POLR1A: variants seen among roughly 807,000 people sequenced by gnomAD.
POLR1A encodes DNA-directed RNA polymerase I subunit RPA1.
Under a neutral mutation model 205.3 loss-of-function variants are expected in POLR1A, and 84 were observed. The ratio of observed to expected loss-of-function variants is 0.41; its 90% CI spans 0.34 to 0.49. POLR1A has a LOEUF of 0.49. Ranked by LOEUF, POLR1A falls within the 20% of genes least tolerant of loss-of-function variation. The probability of loss-of-function intolerance (pLI) is 0.22; values close to 1 mark genes in which losing one functional copy is unlikely to be tolerated. For synonymous variants in POLR1A, 799 were observed against 863.7 expected, an observed-to-expected ratio of 0.93 and a Z score of 1.31; for missense variants, 1,645 against 2,204.5, an observed-to-expected ratio of 0.75 and a Z score of 5.08.
At chr2:86,099,625 TTCTC>T (rs952087455) in intron 2 of POLR1A, among the ~76,000 whole-genome samples, 9 of 151,824 alleles carry the variant, frequency 5.9e-5, no homozygotes, top group Non-Finnish European at 1.0e-4. Context: ...AACACTGAAG[TTCTC>T]TCTATTACCA....
At chr2:86,033,630 C>T (rs745587446) in intron 28 of POLR1A, 31 bp downstream of exon 28, 28 of 1,607,764 alleles carry the variant, frequency 1.7e-5, no homozygotes, top group South Asian at 3.3e-5. Flanking sequence ...TGTCCCTGTG[C>T]AACTCTAGTG....
chr2:86,104,418 C>T (rs1468299387), intron 1 of POLR1A, among the ~76,000 whole-genome samples: 2 of 151,486 alleles, frequency 1.3e-5, no homozygotes, highest in Non-Finnish European at 2.9e-5. Flanking sequence ...GTAAGTAACC[C>T]CTCCCTTTGA....
intron 3 of POLR1A, among the ~76,000 whole-genome samples, chr2:86,094,835 T>C (rs1217053742): frequency 6.6e-6 from 1 of 152,202 alleles, no homozygotes; most frequent in Non-Finnish European, 1.5e-5. Flanking sequence ...CCACTGCCAC[T>C]GTCATCCCCT....
chr2:86,098,201 A>G (rs1348504082), intron 3 of POLR1A, among the ~76,000 whole-genome samples: 1 of 152,218 alleles, frequency 6.6e-6, no homozygotes, highest in Non-Finnish European at 1.5e-5. Context: ...GACAATCTAA[A>G]ATGTAAGAAA....
In POLR1A at chr2:86,026,140, C is replaced by G. The variant is rs1483599918; in HGVS notation, c.*1283G>C. The G allele has an allele frequency of 6.6e-6, 1 of 152,384 alleles. No homozygotes were observed. Among genetic ancestry groups the G allele is most frequent in the African/African-American group, 2.4e-5 (1 of 41,450 alleles). The allele number at this position is 152,384 out of a possible 1,614,324, so 9.4% of individuals were successfully genotyped here. On this transcript the variant is annotated 3_prime_UTR_variant, in exon 34 of 34. Transcript: ENST00000263857. ...CTGGCCACAGGGCCAGCAGCTAGCT[C>G]TGGAAGGAGGTCACAGCAGAGGCAG... is the stretch of plus-strand genomic sequence containing the variant.
At position 86,027,341 on chromosome 2, in the gene POLR1A, T is replaced by C. The variant is rs1672278119; in HGVS notation, c.*82A>G. 7 of 1,104,306 alleles carry C rather than the reference T, an allele frequency of 6.3e-6. No homozygotes were observed. Among genetic ancestry groups the C allele is most frequent in the Admixed American group, 1.7e-5 (1 of 59,332 alleles). The allele number at this position is 1,104,306 out of a possible 1,614,324, so 68.4% of individuals were successfully genotyped here. ...GGAACTGCCCTGGATTCCAGTCTCCTGGTCCTCTCATGCAGAAGGCAGGCT... is the reference window on the plus strand; with the variant it reads ...GGAACTGCCCTGGATTCCAGTCTCCCGGTCCTCTCATGCAGAAGGCAGGCT... On this transcript the variant is annotated 3_prime_UTR_variant, in exon 34 of 34. Transcript: ENST00000263857.
At chr2:86,058,398 C>CTTTTT (rs11350157) in intron 14 of POLR1A, among the ~76,000 whole-genome samples, 1 of 120,092 alleles carries the variant, frequency 8.3e-6, no homozygotes, top group Non-Finnish European at 1.7e-5. Flanking sequence ...CTCACCCAGC[C>CTTTTT]TTTTTTTTTT....
chr2:86,029,884 A>ATC (rs1417054247), intron 31 of POLR1A, among the ~76,000 whole-genome samples: 3 of 151,934 alleles, frequency 2.0e-5, no homozygotes, highest in Admixed American at 6.6e-5. Context: ...ACAGGTGTGA[A>ATC]CCACCACGCC....
chr2:86,039,559 TGA>T, intron 25 of POLR1A, 97 bp from the exon 26 acceptor site: 2 of 1,415,566 alleles, frequency 1.4e-6, no homozygotes, highest in Non-Finnish European at 2.0e-6. Context: ...TTTTGGAATC[TGA>T]GAGAGGCCTG....
Position 86,038,869 on chromosome 2 carries a change from C to T in POLR1A, c.3877-12G>A, listed in dbSNP as rs778895933. 1.2e-5 allele frequency: 20 copies of T among 1,613,608 alleles called. No individual in the cohort carries two copies. Among genetic ancestry groups the T allele is most frequent in the Admixed American group, 5.0e-5 (3 of 59,992 alleles). On this transcript the variant is annotated splice_polypyrimidine_tract_variant and intron_variant, in intron 26 of 33. Coordinates refer to ENST00000263857, the MANE Select transcript of POLR1A (RefSeq NM_015425.6). ...ATTTTCTGCAACACCTGGAACCAGA[C>T]GGACAGAGAGAACTTGACTTGTTCA...
chr2:86,042,525 T>A (rs1422103050), intron 23 of POLR1A, among the ~76,000 whole-genome samples: 1 of 152,204 alleles, frequency 6.6e-6, no homozygotes, highest in Non-Finnish European at 1.5e-5. Flanking sequence ...TGTCCCAAAG[T>A]GACTGCTTCA....
chr2:86,100,143 G>A lies in POLR1A; in HGVS notation c.107C>T (p.Pro36Leu), dbSNP rs976646023. 1.2e-6 allele frequency: 2 copies of A among 1,614,080 alleles called. No homozygotes were observed. The highest frequency in any genetic ancestry group is 3.3e-4 in the Middle Eastern group (2 of 6,062). The change falls in exon 2 of 34, where the codon CCT becomes CTT. Residue 36 changes from proline (P) to leucine (L), a missense_variant. This residue lies in a region of POLR1A where 330 missense variants were observed against 375.6 expected (regional missense o/e 0.88). Transcript: ENST00000263857. ...GTTCCCCAGGCTGTCCAGGTATCGA[G>A]GGTTCGTAATGGATTTAACACTTAA... Reference protein sequence around the residue: ...KKLSVKSITNPRYLDSLGNPS... With the variant: ...KKLSVKSITNLRYLDSLGNPS...
At chr2:86,093,439 C>T (rs1008297716) in intron 3 of POLR1A, among the ~76,000 whole-genome samples, 2 of 152,246 alleles carry the variant, frequency 1.3e-5, no homozygotes, top group South Asian at 2.1e-4. Flanking sequence ...CAAATATGAC[C>T]GTGATACGAT....
chr2:86,059,933 T>C (rs150609357), intron 14 of POLR1A, among the ~76,000 whole-genome samples: 1 of 152,190 alleles, frequency 6.6e-6, no homozygotes, highest in Non-Finnish European at 1.5e-5. Flanking sequence ...GGGAGGGAGT[T>C]TTTCCTTTTA....
intron 4 of POLR1A, among the ~76,000 whole-genome samples, chr2:86,089,347 T>C (rs1673561402): frequency 6.6e-6 from 1 of 152,228 alleles, no homozygotes; most frequent in Admixed American, 6.5e-5. Context: ...ACTTGGACCC[T>C]ACCCCAGACC....
intron 2 of POLR1A, among the ~76,000 whole-genome samples, chr2:86,099,093 T>C (rs923827585): frequency 1.3e-5 from 2 of 152,192 alleles, no homozygotes; most frequent in Non-Finnish European, 2.9e-5. Flanking sequence ...CCCAGCATTT[T>C]GGGAGGCCAA....
intron 8 of POLR1A, 96 bp from the exon 9 acceptor site, chr2:86,081,074 C>T: frequency 8.8e-7 from 1 of 1,139,998 alleles, no homozygotes; most frequent in Non-Finnish European, 1.2e-6. Flanking sequence ...GAGCACACCC[C>T]ACCATGCTCA....
At chr2:86,069,049 C>T (rs1233427574) in intron 13 of POLR1A, among the ~76,000 whole-genome samples, 3 of 152,324 alleles carry the variant, frequency 2.0e-5, no homozygotes, top group Admixed American at 1.3e-4. Context: ...ACAAGTTACA[C>T]GAATCCTTCA....
intron 2 of POLR1A, among the ~76,000 whole-genome samples, chr2:86,098,964 T>A (rs1673759726): frequency 6.6e-6 from 1 of 152,188 alleles, no homozygotes; most frequent in African/African-American, 2.4e-5. Flanking sequence ...TTTATTTTAA[T>A]CCATTTAGAT....
Sources: allele counts gnomAD v4.1 joint callset (sites outside exome capture counted in the v4.1 genomes callset), GRCh38; gene constraint gnomAD v4.1.1; regional missense constraint gnomAD v4.1.1; transcripts MANE v1.5; gene names NCBI Gene and HGNC (gene_info 2026-07-23, HGNC 2026-07-21).